The following HORMAD2 variants were observed in gnomAD, a reference collection of about 807,000 sequenced individuals.
HORMAD2 encodes HORMA domain containing 2, also known as HORMA domain-containing protein 2.
A neutral mutation model predicts 38.8 loss-of-function variants in HORMAD2; 45 were observed. The observed-to-expected ratio is 1.16, with a 90% CI of 0.91 to 1.49. The LOEUF (loss-of-function observed/expected upper bound fraction) is 1.49. Among genes scored for constraint, HORMAD2 ranks in the 40% most tolerant of loss-of-function variants. The pLI is 0.00. For missense variants in HORMAD2, 338 were observed against 367.0 expected, an observed-to-expected ratio of 0.92 and a Z score of 0.65; for synonymous variants, 126 against 122.8, an observed-to-expected ratio of 1.03 and a Z score of -0.17.
At chr22:30,146,386 T>C (rs1924418182) in intron 10 of HORMAD2, among the ~76,000 whole-genome samples, 1 of 151,980 alleles carries the variant, frequency 6.6e-6, no homozygotes, top group Admixed American at 6.6e-5. Flanking sequence ...TCCCAGCTGC[T>C]TGGGAGGCTG....
chr22:30,175,366 T>C (rs369220850), intron 10 of HORMAD2, among the ~76,000 whole-genome samples: 33 of 137,164 alleles, frequency 2.4e-4, no homozygotes, highest in African/African-American at 7.7e-4. Flanking sequence ...AGAAAAAACA[T>C]AGGACATGGA....
At chr22:30,183,227 T>C in the HORMAD2 span, among the ~76,000 whole-genome samples, 4 of 152,254 alleles carry the variant, frequency 2.6e-5, no homozygotes, top group Admixed American at 6.5e-5. Context: ...GATTAGAGCC[T>C]GGACTAGTAT....
intron 6 of HORMAD2, 84 bp downstream of exon 6, chr22:30,111,900 C>T (rs552510448): frequency 7.0e-6 from 7 of 997,332 alleles, no homozygotes; most frequent in Middle Eastern, 4.3e-4. Context: ...CAGTACTCTC[C>T]CTCTTCCTCC....
At chr22:30,091,816 G>A (rs541769569) in intron 1 of HORMAD2, among the ~76,000 whole-genome samples, 1 of 152,134 alleles carries the variant, frequency 6.6e-6, no homozygotes, top group Admixed American at 6.5e-5. Flanking sequence ...CAGTGTATAA[G>A]AATTTTCTTT....
chr22:30,116,773 T>G (rs1922072365), intron 7 of HORMAD2, among the ~76,000 whole-genome samples: 1 of 152,136 alleles, frequency 6.6e-6, no homozygotes, highest in Non-Finnish European at 1.5e-5. Flanking sequence ...TAAATAAAAT[T>G]ATCAACTACT....
At chr22:30,172,577 T>C (rs1383594488) in intron 10 of HORMAD2, among the ~76,000 whole-genome samples, 2 of 152,076 alleles carry the variant, frequency 1.3e-5, no homozygotes, top group East Asian at 3.9e-4. Context: ...TGGCAGGAAC[T>C]GAGAATACAA....
At chr22:30,204,215 C>T in the HORMAD2 span, among the ~76,000 whole-genome samples, 1 of 152,168 alleles carries the variant, frequency 6.6e-6, no homozygotes, top group Admixed American at 6.5e-5. Flanking sequence ...AGCAAAGGCC[C>T]ATAGCCCCAG....
chr22:30,180,590 A>C (rs1926655502), downstream of HORMAD2, among the ~76,000 whole-genome samples: 1 of 152,176 alleles, frequency 6.6e-6, no homozygotes, highest in African/African-American at 2.4e-5. Context: ...AGTTTATTCG[A>C]TCTATAAAAT....
rs139118242 is a variant in HORMAD2, at chr22:30,122,318, C to T, written c.819+104C>T. On this transcript the variant is annotated intron_variant, in intron 10 of 10. Coordinates refer to ENST00000336726, the MANE Select transcript of HORMAD2 (RefSeq NM_152510.4). Reference sequence around the variant, plus strand: ...ACGTGGAGTGTGCCAGCTATAAAAACTGAAACAAAACTAGTCTCTGACATC... The same window carrying T: ...ACGTGGAGTGTGCCAGCTATAAAAATTGAAACAAAACTAGTCTCTGACATC... The T allele has an allele frequency of 1.5e-4, 171 of 1,103,758 alleles. 1 individual carries two copies. The East Asian group carries it at 4.6e-3, about 29-fold the overall frequency. 68.4% of individuals were successfully genotyped at this position (1,103,758 alleles called of 1,614,324 possible). A position where few individuals can be genotyped will look rare whatever the true frequency, so the allele number is the denominator to read the frequency against.
intron 10 of HORMAD2, among the ~76,000 whole-genome samples, chr22:30,149,973 T>C (rs1924647295): frequency 6.6e-6 from 1 of 152,190 alleles, no homozygotes; most frequent in Admixed American, 6.5e-5. Context: ...TTCCTCAGGG[T>C]TCTGAAATTT....
At chr22:30,091,860 GTTATT>G (rs533536243) in intron 1 of HORMAD2, among the ~76,000 whole-genome samples, 2 of 151,566 alleles carry the variant, frequency 1.3e-5, no homozygotes, top group Non-Finnish European at 2.9e-5. Context: ...GTTATTTTTT[GTTATT>G]TTATTTTATT....
intron 10 of HORMAD2, among the ~76,000 whole-genome samples, chr22:30,129,967 C>T (rs1213724542): frequency 6.6e-6 from 1 of 152,104 alleles, no homozygotes; most frequent in African/African-American, 2.4e-5. Flanking sequence ...TTCCTGTATC[C>T]TACATGGCTT....
chr22:30,149,120 GTTA>G (rs1291361443), intron 10 of HORMAD2, among the ~76,000 whole-genome samples: 1 of 152,208 alleles, frequency 6.6e-6, no homozygotes, highest in Non-Finnish European at 1.5e-5. Flanking sequence ...TGATGCTTAT[GTTA>G]TTATAACTAC....
intron 1 of HORMAD2, among the ~76,000 whole-genome samples, chr22:30,088,114 T>TACACAC (rs1326646283): frequency 2.0e-5 from 3 of 150,774 alleles, no homozygotes; most frequent in African/African-American, 7.3e-5. Context: ...CACGTGTACA[T>TACACAC]ATACACACAC....
the HORMAD2 span, among the ~76,000 whole-genome samples, chr22:30,205,707 G>T: frequency 1.3e-5 from 2 of 152,186 alleles, no homozygotes; most frequent in African/African-American, 4.8e-5. Context: ...TGAGTCTTGG[G>T]GGAGGGAGGA....
At chr22:30,129,217 C>CAAAAAAA (rs750796623) in intron 10 of HORMAD2, among the ~76,000 whole-genome samples, 27 of 22,608 alleles carry the variant, frequency 1.2e-3, no homozygotes, top group East Asian at 6.0e-3. Context: ...GACTCTATCT[C>CAAAAAAA]AAAAAAAAAA....
chr22:30,136,460 T>C (rs1248920614), intron 10 of HORMAD2, among the ~76,000 whole-genome samples: 1 of 152,186 alleles, frequency 6.6e-6, no homozygotes, highest in African/African-American at 2.4e-5. Flanking sequence ...CACCTTCCTG[T>C]CTTATTTCTC....
At chr22:30,143,777 GGCCTGAT>G (rs1352474462) in intron 10 of HORMAD2, among the ~76,000 whole-genome samples, 1 of 152,108 alleles carries the variant, frequency 6.6e-6, no homozygotes, top group Non-Finnish European at 1.5e-5. Context: ...CTGGAGGTGG[GGCCTGAT>G]GGGAGGTGTT....
At chr22:30,114,748 A>G (rs560565931) in intron 7 of HORMAD2, among the ~76,000 whole-genome samples, 1 of 152,332 alleles carries the variant, frequency 6.6e-6, no homozygotes, top group Non-Finnish European at 1.5e-5. Context: ...CTTAAATCAA[A>G]CAAGTGTGTG....
Sources: gnomAD v4.1 joint callset for allele counts (sites outside exome capture counted in the v4.1 genomes callset) on GRCh38, gnomAD v4.1.1 for gene constraint, MANE v1.5 for transcripts, NCBI Gene and HGNC (gene_info 2026-07-23, HGNC 2026-07-21) for gene names.